Variants in WDR11 observed in about 807,000 individuals in gnomAD.
The protein encoded by WDR11 is WD repeat-containing protein 11.
A neutral mutation model predicts 151.2 loss-of-function variants in WDR11; 83 were observed. The observed-to-expected ratio is 0.55, with a 90% confidence interval of 0.46 to 0.66. The LOEUF is 0.66. Ranked by LOEUF, WDR11 falls within the 30% of genes least tolerant of loss-of-function variation. The probability of loss-of-function intolerance (pLI) is 0.00; values close to 1 mark genes in which losing one functional copy is unlikely to be tolerated. For synonymous variants in WDR11, 484 were observed against 533.1 expected, an observed-to-expected ratio of 0.91 and a Z score of 1.27; for missense variants, 1,301 against 1,480.9, an observed-to-expected ratio of 0.88 and a Z score of 1.99.
At chr10:120,854,155 C>T (rs537136970) in intron 2 of WDR11, among the ~76,000 whole-genome samples, 1 of 152,152 alleles carries the variant, frequency 6.6e-6, no homozygotes, top group African/African-American at 2.4e-5. Flanking sequence ...AAAAGAAACC[C>T]TATATCCACT....
chr10:120,871,558 T>A (rs1347812280), intron 10 of WDR11, among the ~76,000 whole-genome samples: 1 of 152,150 alleles, frequency 6.6e-6, no homozygotes, highest in African/African-American at 2.4e-5. Context: ...ATGCTGAGTC[T>A]TCATCCACCT....
chr10:120,851,944 C>T (rs1164589334), intron 1 of WDR11: 2 of 249,590 alleles, frequency 8.0e-6, no homozygotes, highest in Non-Finnish European at 1.6e-5. Flanking sequence ...GTTCTTTCAC[C>T]TGTCCTTTTC....
intron 19 of WDR11, among the ~76,000 whole-genome samples, chr10:120,897,338 C>T (rs1590110773): frequency 1.3e-5 from 2 of 152,302 alleles, no homozygotes. Flanking sequence ...AAGCAAGGAT[C>T]ACTTGTGGAT....
In WDR11 at chr10:120,880,915, TAAA is replaced by T. The variant is rs751968826; in HGVS notation, c.1739+21_1739+23del. 7.0e-6 allele frequency: 11 copies of T among 1,567,816 alleles called. No homozygotes were observed. The highest frequency in any genetic ancestry group is 1.7e-4 in the Middle Eastern group (1 of 5,896). On this transcript the variant is annotated intron_variant, in intron 13 of 28. Coordinates refer to ENST00000263461, the MANE Select transcript of WDR11 (RefSeq NM_018117.12). The stretch of plus-strand genomic sequence containing the variant: ...ATCTCATTTGAAGTAAGTGTCAACC[TAAA>T]AAAAAATCTATGGTGTTATCACAAT...
At chr10:120,851,847 T>C in intron 1 of WDR11, 1 of 395,468 alleles carries the variant, frequency 2.5e-6, no homozygotes, top group African/African-American at 2.1e-5. Context: ...CCTGTGCACT[T>C]TCTCTTTCCC....
intron 2 of WDR11, among the ~76,000 whole-genome samples, chr10:120,858,370 A>G (rs1846022691): frequency 6.6e-6 from 1 of 152,176 alleles, no homozygotes; most frequent in African/African-American, 2.4e-5. Flanking sequence ...TGGGGTTTTA[A>G]CCTAAATTTC....
intron 19 of WDR11, among the ~76,000 whole-genome samples, chr10:120,893,494 T>C (rs1847497192): frequency 6.6e-6 from 1 of 152,102 alleles, no homozygotes. Context: ...TGTGTCTTTA[T>C]AGTAGCATGA....
chr10:120,890,609 A>G, intron 18 of WDR11, 107 bp from the exon 19 acceptor site: 1 of 1,359,880 alleles, frequency 7.4e-7, no homozygotes, highest in Non-Finnish European at 1.1e-6. Context: ...TCAGTTCTAA[A>G]CTTGAACTGG....
At chr10:120,880,169 G>C (rs1449267361) in intron 12 of WDR11, 1 of 152,138 alleles carries the variant, frequency 6.6e-6, no homozygotes, top group Non-Finnish European at 1.5e-5. Context: ...TTTCGCACCA[G>C]ACAATTGCTG....
At chr10:120,864,597 G>C (rs1475426471) in intron 5 of WDR11, among the ~76,000 whole-genome samples, 1 of 152,096 alleles carries the variant, frequency 6.6e-6, no homozygotes, top group East Asian at 1.9e-4. Context: ...CTTGCCCAAA[G>C]CCATACAGAT....
chr10:120,909,030 A>C lies in WDR11; in HGVS notation c.*317A>C. 1 of 339,076 alleles carries C rather than the reference A, an allele frequency of 2.9e-6. No individual in the cohort carries two copies. Among genetic ancestry groups the C allele is most frequent in the Non-Finnish European group, 5.6e-6 (1 of 180,106 alleles). The allele number at this position is 339,076 out of a possible 1,614,324, so 21.0% of individuals were successfully genotyped here. ...TTTAACTTAAAATTCAAGAGACTGA[A>C]TCACTTTTCTCATTGATTAAATGTA... On this transcript the variant is annotated 3_prime_UTR_variant, in exon 29 of 29. Coordinates refer to ENST00000263461, the MANE Select transcript of WDR11 (RefSeq NM_018117.12).
intron 20 of WDR11, 79 bp from the exon 21 acceptor site, chr10:120,900,957 A>G: frequency 9.4e-7 from 1 of 1,062,586 alleles, no homozygotes; most frequent in South Asian, 1.3e-5. Context: ...CTCTATATTA[A>G]CACAACTTTT....
chr10:120,865,578 T>C (rs535948799), intron 6 of WDR11, 52 bp from the exon 7 acceptor site: 6 of 1,242,562 alleles, frequency 4.8e-6, no homozygotes, highest in Non-Finnish European at 5.8e-6. Context: ...TCACAGTATA[T>C]ACTTTATTAA....
chr10:120,880,807 T>C lies in WDR11; in HGVS notation c.1664-19T>C. 10 of 1,589,048 alleles carry C rather than the reference T, an allele frequency of 6.3e-6. No homozygotes were observed. The highest frequency in any genetic ancestry group is 8.6e-6 in the Non-Finnish European group (10 of 1,163,600). ...GTTTTATGCACTGTTCTCACTTTTT[T>C]AAATATTTGCAATTAAAGGTAGGAG... On this transcript the variant is annotated intron_variant, in intron 12 of 28. Coordinates refer to ENST00000263461, the MANE Select transcript of WDR11 (RefSeq NM_018117.12).
chr10:120,890,449 G>A (rs1708290989), intron 18 of WDR11, among the ~76,000 whole-genome samples: 1 of 152,050 alleles, frequency 6.6e-6, no homozygotes, highest in South Asian at 2.1e-4. Context: ...CCTGACCTGA[G>A]GTGATCTGCC....
intron 27 of WDR11, chr10:120,906,432 C>T: frequency 4.0e-6 from 5 of 1,246,518 alleles, no homozygotes; most frequent in Non-Finnish European, 5.1e-6. Context: ...TGGAGCATTT[C>T]ATTTATTCAA....
At chr10:120,856,322 C>A (rs1845943646) in intron 2 of WDR11, among the ~76,000 whole-genome samples, 1 of 152,050 alleles carries the variant, frequency 6.6e-6, no homozygotes, top group Admixed American at 6.6e-5. Flanking sequence ...CACCTGTAAT[C>A]CCAACACTCT....
At position 120,879,028 on chromosome 10, in the gene WDR11, A is replaced by G. The variant is rs1846904430; in HGVS notation, c.1663+569A>G. 2 of 152,306 alleles carry G rather than the reference A, an allele frequency of 1.3e-5. 1 individual carries two copies. The highest frequency in any genetic ancestry group is 4.1e-4 in the South Asian group (2 of 4,830). The allele number at this position is 152,306 out of a possible 1,614,324, so 9.4% of individuals were successfully genotyped here. A position where few individuals can be genotyped will look rare whatever the true frequency, so the allele number is the denominator to read the frequency against. ...ATTTCAAAATAAAGAATTTGAAAATATAATAAGGAAAGAGTTTCAAATTAT... is the reference window on the plus strand; with the variant it reads ...ATTTCAAAATAAAGAATTTGAAAATGTAATAAGGAAAGAGTTTCAAATTAT... On this transcript the variant is annotated intron_variant, in intron 12 of 28. Coordinates refer to ENST00000263461, the MANE Select transcript of WDR11 (RefSeq NM_018117.12).
intron 10 of WDR11, among the ~76,000 whole-genome samples, chr10:120,872,176 T>C (rs916426837): frequency 2.0e-5 from 3 of 152,240 alleles, no homozygotes; most frequent in Non-Finnish European, 2.9e-5. Flanking sequence ...TAAAGACTCA[T>C]TTGGGTATTA....
Sources: gnomAD v4.1 joint callset for allele counts (sites outside exome capture counted in the v4.1 genomes callset) on GRCh38, gnomAD v4.1.1 for gene constraint, MANE v1.5 for transcripts, NCBI Gene and HGNC (gene_info 2026-07-23, HGNC 2026-07-21) for gene names.